The following SRPRB variants were observed in gnomAD, a reference collection of about 807,000 sequenced individuals.
The protein encoded by SRPRB is SRP receptor subunit beta.
In SRPRB, 20 loss-of-function variants were observed where a neutral mutation model predicts 31.9. The ratio of observed to expected loss-of-function variants is 0.63; its 90% CI spans 0.44 to 0.91. SRPRB has a LOEUF of 0.91. Among genes scored for constraint, SRPRB ranks in the 40% least tolerant of loss-of-function variants. The pLI is 0.00. For missense variants in SRPRB, 321 were observed against 324.9 expected, an observed-to-expected ratio of 0.99 and a Z score of 0.09; for synonymous variants, 146 against 132.8, an observed-to-expected ratio of 1.10 and a Z score of -0.68.
chr3:133,805,529 C>T (rs1257027566), upstream of SRPRB: 1 of 240,644 alleles, frequency 4.2e-6, no homozygotes, highest in African/African-American at 2.2e-5. Context: ...GGGAACTCCT[C>T]AGTGGTAGTT....
At chr3:133,806,256 G>C (rs929098585) in intron 1 of SRPRB, among the ~76,000 whole-genome samples, 1 of 152,242 alleles carries the variant, frequency 6.6e-6, no homozygotes, top group Non-Finnish European at 1.5e-5. Flanking sequence ...CATCTGCCCT[G>C]TTACGCTTGA....
downstream of SRPRB, chr3:133,828,299 A>C: frequency 2.5e-6 from 1 of 405,840 alleles, no homozygotes; most frequent in South Asian, 3.6e-5. Context: ...CCCAGACTGA[A>C]GCCTAATTAA....
At chr3:133,792,344 A>C (rs992584868) in intron 1 of SRPRB, 4 of 152,274 alleles carry the variant, frequency 2.6e-5, no homozygotes, top group Admixed American at 1.3e-4. Context: ...AAGTCATGAA[A>C]TAATTTACAA....
At chr3:133,806,537 C>A in intron 1 of SRPRB, 72 bp from the exon 2 acceptor site, 1 of 1,159,960 alleles carries the variant, frequency 8.6e-7, no homozygotes, top group Non-Finnish European at 1.3e-6. Flanking sequence ...TGTGAATTTC[C>A]CCACCCCAGC....
intron 1 of SRPRB, chr3:133,785,062 G>T (rs1288186858): frequency 8.5e-6 from 1 of 117,514 alleles, no homozygotes; most frequent in Non-Finnish European, 1.8e-5. Context: ...CTGCCCGGCC[G>T]CCCCTACTGG....
intron 6 of SRPRB, among the ~76,000 whole-genome samples, chr3:133,818,571 A>G (rs1576385767): frequency 7.4e-6 from 1 of 135,630 alleles, no homozygotes; most frequent in East Asian, 2.0e-4. Flanking sequence ...CAAAAGCTGA[A>G]TACATGTTTT....
chr3:133,822,946 G>A (rs1935498312), downstream of SRPRB, among the ~76,000 whole-genome samples: 1 of 152,208 alleles, frequency 6.6e-6, no homozygotes, highest in Non-Finnish European at 1.5e-5. Flanking sequence ...TATCCATTGG[G>A]TAAAGGCCAC....
chr3:133,788,951 C>G (rs1041263408), intron 1 of SRPRB: 29 of 152,328 alleles, frequency 1.9e-4, no homozygotes, highest in Middle Eastern at 6.8e-3. Context: ...ATAATGTGGC[C>G]TTATCAAATT....
At chr3:133,787,708 A>G (rs34879526) in intron 1 of SRPRB, 2 of 152,200 alleles carry the variant, frequency 1.3e-5, no homozygotes, top group Admixed American at 1.3e-4. Context: ...GTGTACTAGA[A>G]AATTTCAGTT....
At chr3:133,819,472 T>C in intron 6 of SRPRB, 81 bp from the exon 7 acceptor site, 2 of 1,332,194 alleles carry the variant, frequency 1.5e-6, no homozygotes, top group Non-Finnish European at 2.1e-6. Flanking sequence ...TTTAAATGAG[T>C]GCTGAAATGT....
intron 4 of SRPRB, among the ~76,000 whole-genome samples, chr3:133,811,576 T>C (rs114967879): frequency 1.9e-3 from 275 of 146,956 alleles, no homozygotes; most frequent in African/African-American, 5.8e-3. Flanking sequence ...TTTATATATA[T>C]AGTGTTTTTT....
chr3:133,813,984 C>CT (rs1559892152), intron 4 of SRPRB, among the ~76,000 whole-genome samples: 1 of 152,132 alleles, frequency 6.6e-6, no homozygotes, highest in Non-Finnish European at 1.5e-5. Context: ...TCTAAGGGAA[C>CT]TTTTTTTGCA....
At chr3:133,819,521 T>C (rs747705643) in intron 6 of SRPRB, 32 bp from the exon 7 acceptor site, 1 of 1,595,186 alleles carries the variant, frequency 6.3e-7, no homozygotes, top group South Asian at 1.1e-5. Flanking sequence ...ATAAAAATTT[T>C]GCCTCCTGAC....
At chr3:133,810,961 C>A (rs1419766992) in intron 3 of SRPRB, 156 bp from the exon 4 acceptor site, 5 of 647,356 alleles carry the variant, frequency 7.7e-6, no homozygotes, top group Non-Finnish European at 1.2e-5. Flanking sequence ...GTTACATCCC[C>A]AGAACGTTGA....
chr3:133,819,219 A>G (rs1051934620), intron 6 of SRPRB, among the ~76,000 whole-genome samples: 15 of 152,190 alleles, frequency 9.9e-5, no homozygotes, highest in Non-Finnish European at 1.6e-4. Flanking sequence ...TAACACTTAA[A>G]GCATGTATTT....
At chr3:133,816,214 C>T (rs1440521404) in intron 5 of SRPRB, among the ~76,000 whole-genome samples, 2 of 152,200 alleles carry the variant, frequency 1.3e-5, no homozygotes, top group African/African-American at 2.4e-5. Flanking sequence ...ATAAGACAGA[C>T]TAGTGGATCT....
chr3:133,795,450 C>T (rs1184125812), intron 1 of SRPRB: 1 of 152,056 alleles, frequency 6.6e-6, no homozygotes, highest in Admixed American at 6.6e-5. Flanking sequence ...GACACTGTAA[C>T]CTACGAATGA....
chr3:133,817,732 C>T (rs1292204496), intron 6 of SRPRB, among the ~76,000 whole-genome samples: 1 of 152,080 alleles, frequency 6.6e-6, no homozygotes, highest in Non-Finnish European at 1.5e-5. Context: ...AAACTTTTCT[C>T]CCCACTATGA....
intron 1 of SRPRB, chr3:133,792,652 A>C (rs772585063): frequency 4.6e-5 from 7 of 152,248 alleles, no homozygotes; most frequent in Non-Finnish European, 1.0e-4. Context: ...ACAGTTTTAC[A>C]TGCAAGTTAC....
Sources: allele counts gnomAD v4.1 joint callset (sites outside exome capture counted in the v4.1 genomes callset), GRCh38; gene constraint gnomAD v4.1.1; transcripts MANE v1.5; gene names NCBI Gene and HGNC (gene_info 2026-07-23, HGNC 2026-07-21).